KIAA1217: variants seen among roughly 807,000 people sequenced by gnomAD.
KIAA1217 encodes sickle tail protein homolog.
KIAA1217 carries 88 observed loss-of-function variants against 163.9 expected under a neutral mutation model. The ratio of observed to expected loss-of-function variants is 0.54; its 90% CI spans 0.45 to 0.64. KIAA1217 has a LOEUF of 0.64. KIAA1217 is among the 30% of genes least tolerant of loss of function. KIAA1217 has a pLI of 0.00. For missense variants in KIAA1217, 2,372 were observed against 2,475.0 expected (o/e 0.96, Z 0.88); for synonymous variants, 903 against 923.1 (o/e 0.98, Z 0.39).
At position 24,074,762 on chromosome 10, in the gene KIAA1217, G is replaced by T. The variant is rs1239326820; in HGVS notation, c.-171+67388G>T. 8.3e-5 allele frequency among the ~76,000 whole-genome samples: 12 copies of T among 144,230 alleles called. No homozygotes were observed. The Admixed American group carries it at 8.4e-4, about 10-fold the overall frequency. 94.6% of individuals were successfully genotyped at this position (144,230 alleles called of 152,430 possible). On this transcript the variant is annotated intron_variant, in intron 2 of 18. Transcript: ENST00000376462. ...TTTGTCACCCAGATTTGAGTGCAGT[G>T]GCCTGCACACTCAGTGCAGCCTTTA...
intron 2 of KIAA1217, among the ~76,000 whole-genome samples, chr10:24,271,528 A>G (rs757693620): frequency 6.6e-6 from 1 of 152,150 alleles, no homozygotes; most frequent in Non-Finnish European, 1.5e-5. Context: ...AGGTGGGTAG[A>G]TCACATGAAC....
At chr10:24,255,655 G>C (rs1429766475) in intron 2 of KIAA1217, 1 of 396,542 alleles carries the variant, frequency 2.5e-6, no homozygotes, top group Non-Finnish European at 5.0e-6. Flanking sequence ...CTAAACTGCT[G>C]TGTGATATGT....
At chr10:23,855,554 G>T (rs536145053) in intron 1 of KIAA1217, among the ~76,000 whole-genome samples, 1 of 152,170 alleles carries the variant, frequency 6.6e-6, no homozygotes, top group Non-Finnish European at 1.5e-5. Context: ...GAATCTGAAT[G>T]TTGGCCTGCC....
chr10:23,912,014 C>T (rs916257609), intron 1 of KIAA1217, among the ~76,000 whole-genome samples: 1 of 152,126 alleles, frequency 6.6e-6, no homozygotes, highest in African/African-American at 2.4e-5. Flanking sequence ...AGGTGTAGCT[C>T]GTTGACATGC....
intron 3 of KIAA1217, among the ~76,000 whole-genome samples, chr10:24,396,516 G>A (rs1017606780): frequency 1.3e-5 from 2 of 152,094 alleles, no homozygotes; most frequent in Admixed American, 1.3e-4. Context: ...CAGGAGAAGG[G>A]ATACAGAGAG....
intron 2 of KIAA1217, among the ~76,000 whole-genome samples, chr10:24,267,187 C>T (rs79495810): frequency 0.024 from 3,594 of 152,188 alleles, 130 homozygotes; most frequent in African/African-American, 0.081. Context: ...TCCTCTTCTC[C>T]ATAAGTATAA....
intron 2 of KIAA1217, among the ~76,000 whole-genome samples, chr10:24,229,569 G>A (rs577854932): frequency 1.9e-4 from 29 of 152,142 alleles, no homozygotes; most frequent in Non-Finnish European, 3.4e-4. Flanking sequence ...CCAGGCTGGA[G>A]TGCAATGGCA....
At chr10:24,014,265 T>C (rs1033945787) in intron 2 of KIAA1217, among the ~76,000 whole-genome samples, 2 of 152,166 alleles carry the variant, frequency 1.3e-5, no homozygotes, top group African/African-American at 4.8e-5. Flanking sequence ...TTTAATAATC[T>C]ATTTAATACG....
At chr10:23,711,940 C>T (rs557434468) in intron 1 of KIAA1217, among the ~76,000 whole-genome samples, 52 of 152,246 alleles carry the variant, frequency 3.4e-4, no homozygotes, top group South Asian at 8.3e-4. Context: ...GAGAAACATG[C>T]TCCCTAAGTG....
intron 2 of KIAA1217, among the ~76,000 whole-genome samples, chr10:24,318,492 C>T (rs879452763): frequency 6.6e-6 from 1 of 152,152 alleles, no homozygotes; most frequent in Non-Finnish European, 1.5e-5. Flanking sequence ...CTGACCTTCC[C>T]AGCAGATTGT....
intron 5 of KIAA1217, among the ~76,000 whole-genome samples, chr10:24,471,482 T>A (rs2063504740): frequency 6.6e-6 from 1 of 151,156 alleles, no homozygotes. Context: ...TTTTTTTTTT[T>A]ATTCTACTCC....
At chr10:24,097,339 C>A (rs1013896834) in intron 2 of KIAA1217, among the ~76,000 whole-genome samples, 1 of 152,148 alleles carries the variant, frequency 6.6e-6, no homozygotes, top group Non-Finnish European at 1.5e-5. Flanking sequence ...ATCCCTTGAG[C>A]CTGGGAGTTT....
In KIAA1217 at chr10:23,988,134, G is replaced by C. The variant is rs4748922; in HGVS notation, c.-320-19091G>C. Among the ~76,000 whole-genome samples, 212 of 151,756 alleles carry C rather than the reference G, an allele frequency of 1.4e-3. 1 individual carries two copies. The highest frequency in any genetic ancestry group is 3.4e-3 in the Middle Eastern group (1 of 294). On this transcript the variant is annotated intron_variant, in intron 1 of 18. Coordinates refer to the KIAA1217 transcript ENST00000376462. Reference sequence around the variant, plus strand: ...GTCCAGCACTCCCTTGCCATCTGTCGCAGGGGCTAGAAGCCTGAGAACTCC... The same window carrying C: ...GTCCAGCACTCCCTTGCCATCTGTCCCAGGGGCTAGAAGCCTGAGAACTCC...
At chr10:24,334,049 G>T (rs199600684) in intron 2 of KIAA1217, among the ~76,000 whole-genome samples, 2 of 152,156 alleles carry the variant, frequency 1.3e-5, no homozygotes, top group South Asian at 2.1e-4. Context: ...ATAAGTTAGT[G>T]GGGGAGGGTA....
At chr10:24,022,911 A>T (rs1847795154) in intron 2 of KIAA1217, among the ~76,000 whole-genome samples, 1 of 148,134 alleles carries the variant, frequency 6.8e-6, no homozygotes, top group Admixed American at 6.8e-5. Flanking sequence ...GAACTTAAGG[A>T]TATATACTTG....
At chr10:23,801,311 A>C (rs1836455278) in intron 1 of KIAA1217, among the ~76,000 whole-genome samples, 1 of 152,050 alleles carries the variant, frequency 6.6e-6, no homozygotes, top group Non-Finnish European at 1.5e-5. Flanking sequence ...AACATAACAC[A>C]CTGGGGCCTG....
Position 23,806,695 on chromosome 10 carries a change from T to G in KIAA1217, c.-321+111461T>G, listed in dbSNP as rs146750144. ...AATCTTCTTAGGTTTGAACCAACAG[T>G]CTTGACTCTTTTGAATGAGTTTAAT... On this transcript the variant is annotated intron_variant, in intron 1 of 18. Coordinates refer to the KIAA1217 transcript ENST00000376462. Among the ~76,000 whole-genome samples the G allele has an allele frequency of 4.7e-3, 717 of 152,336 alleles. 2 individuals are homozygous for G. Among genetic ancestry groups the G allele is most frequent in the African/African-American group, 0.017 (692 of 41,576 alleles).
intron 2 of KIAA1217, among the ~76,000 whole-genome samples, chr10:24,143,526 G>A (rs1043875931): frequency 6.6e-6 from 1 of 152,234 alleles, no homozygotes. Flanking sequence ...GCCTCCCAAA[G>A]TGCTGGGATT....
intron 2 of KIAA1217, among the ~76,000 whole-genome samples, chr10:24,103,160 T>C (rs1337709262): frequency 6.6e-6 from 1 of 152,104 alleles, no homozygotes. Flanking sequence ...ACTCATACAA[T>C]GGGGAAGATA....
Sources: gnomAD v4.1 joint callset for allele counts (sites outside exome capture counted in the v4.1 genomes callset) on GRCh38, gnomAD v4.1.1 for gene constraint, MANE v1.5 for transcripts, NCBI Gene and HGNC (gene_info 2026-07-23, HGNC 2026-07-21) for gene names.